Variants in CTNNA2 observed in about 807,000 individuals in gnomAD.
CTNNA2 encodes catenin alpha-2.
A neutral mutation model predicts 101.0 loss-of-function variants in CTNNA2; 42 were observed. The observed-to-expected ratio is 0.42, with a 90% CI of 0.32 to 0.54. The LOEUF (loss-of-function observed/expected upper bound fraction) is 0.54, where lower values mean the gene tolerates loss of function less well. CTNNA2 is among the 20% of genes least tolerant of loss of function. The pLI, the probability that CTNNA2 is intolerant of heterozygous loss-of-function variation, is 0.14. For synonymous variants in CTNNA2, 450 were observed against 456.4 expected, an observed-to-expected ratio of 0.99 and a Z score of 0.18; for missense variants, 871 against 1,223.1, an observed-to-expected ratio of 0.71 and a Z score of 4.29.
chr2:79,408,351 T>C (rs1678364347), intron 4 of CTNNA2, among the ~76,000 whole-genome samples: 1 of 151,474 alleles, frequency 6.6e-6, no homozygotes, highest in Admixed American at 6.6e-5. Flanking sequence ...ATGTACACAA[T>C]GTGCAGGTTA....
intron 2 of CTNNA2, among the ~76,000 whole-genome samples, chr2:79,301,259 G>A (rs1189844925): frequency 2.0e-5 from 3 of 152,080 alleles, no homozygotes; most frequent in East Asian, 1.9e-4. Context: ...TCTACACTAC[G>A]AAGGCAGAGA....
At chr2:79,341,420 T>TG (rs1419525474) in intron 3 of CTNNA2, among the ~76,000 whole-genome samples, 5 of 152,062 alleles carry the variant, frequency 3.3e-5, no homozygotes, top group Non-Finnish European at 7.4e-5. Context: ...AATGAGTGGG[T>TG]GAAAAAAATG....
intron 14 of CTNNA2, among the ~76,000 whole-genome samples, chr2:80,584,801 G>T (rs928270234): frequency 6.6e-6 from 1 of 152,142 alleles, no homozygotes; most frequent in South Asian, 2.1e-4. Context: ...TAATAATTAA[G>T]TTGGTGGTAA....
chr2:79,869,611 T>C (rs891928494), intron 4 of CTNNA2, among the ~76,000 whole-genome samples: 3 of 152,184 alleles, frequency 2.0e-5, no homozygotes, highest in Admixed American at 6.5e-5. Flanking sequence ...CAATTGCTTT[T>C]TTATATACAA....
At chr2:80,528,776 A>G (rs1180359722) in intron 9 of CTNNA2, among the ~76,000 whole-genome samples, 1 of 152,092 alleles carries the variant, frequency 6.6e-6, no homozygotes, top group Non-Finnish European at 1.5e-5. Context: ...TTTTGCCCAG[A>G]TTGGAGGGCT....
rs181509048 is a variant in CTNNA2, at chr2:79,400,164, A to G, written c.-135+26151A>G. ...AGAGACAAATGGTTGCATTCTCTTG[A>G]GTTTCTGATTAGCCTTTCTTAAGGA... On this transcript the variant is annotated intron_variant, in intron 4 of 21. Transcript: ENST00000466387. 7.2e-5 allele frequency among the ~76,000 whole-genome samples: 11 copies of G among 152,224 alleles called. No individual in the cohort carries two copies. The East Asian group carries it at 2.1e-3, about 30-fold the overall frequency.
intron 1 of CTNNA2, among the ~76,000 whole-genome samples, chr2:79,587,403 C>T (rs1009793755): frequency 6.6e-6 from 1 of 152,022 alleles, no homozygotes; most frequent in Non-Finnish European, 1.5e-5. Context: ...CAGATTCATG[C>T]CCAGCCCTCT....
intron 7 of CTNNA2, among the ~76,000 whole-genome samples, chr2:80,339,955 T>C (rs1672086361): frequency 6.6e-6 from 1 of 152,202 alleles, no homozygotes. Context: ...CGCCTTTACA[T>C]TGGAACACCA....
intron 7 of CTNNA2, among the ~76,000 whole-genome samples, chr2:80,263,203 C>T (rs192810484): frequency 1.8e-4 from 27 of 152,060 alleles, no homozygotes; most frequent in East Asian, 7.7e-4. Context: ...GATGGATTGG[C>T]GGCAGATTGG....
intron 3 of CTNNA2, among the ~76,000 whole-genome samples, chr2:79,352,734 A>G (rs181410338): frequency 6.6e-6 from 1 of 152,108 alleles, no homozygotes; most frequent in Admixed American, 6.6e-5. Context: ...AGTGTTTAGT[A>G]CTATAAACTT....
intron 9 of CTNNA2, among the ~76,000 whole-genome samples, chr2:80,536,252 T>C (rs1658043179): frequency 6.6e-6 from 1 of 152,154 alleles, no homozygotes; most frequent in Admixed American, 6.5e-5. Context: ...GTGATGATAG[T>C]TTTAGAGAAA....
At chr2:79,779,962 C>T (rs1674298199) in intron 3 of CTNNA2, among the ~76,000 whole-genome samples, 1 of 152,122 alleles carries the variant, frequency 6.6e-6, no homozygotes, top group African/African-American at 2.4e-5. Context: ...TACAACAGAC[C>T]CTAAGTCTGA....
intron 2 of CTNNA2, among the ~76,000 whole-genome samples, chr2:79,685,757 A>G (rs916020141): frequency 6.6e-6 from 1 of 152,184 alleles, no homozygotes; most frequent in African/African-American, 2.4e-5. Flanking sequence ...AAGGAGAGCA[A>G]TTAGCATTCG....
intron 7 of CTNNA2, among the ~76,000 whole-genome samples, chr2:79,963,341 T>C (rs1337794002): frequency 6.6e-6 from 1 of 152,148 alleles, no homozygotes; most frequent in African/African-American, 2.4e-5. Context: ...ATGGTGCTGA[T>C]GGAAGGCTAA....
At chr2:79,502,528 C>T (rs1671331371) in intron 4 of CTNNA2, among the ~76,000 whole-genome samples, 1 of 152,128 alleles carries the variant, frequency 6.6e-6, no homozygotes, top group Non-Finnish European at 1.5e-5. Flanking sequence ...TACTAGAATC[C>T]TCAAAACTGT....
chr2:79,564,643 A>G (rs539338502), intron 1 of CTNNA2, among the ~76,000 whole-genome samples: 22 of 152,306 alleles, frequency 1.4e-4, no homozygotes, highest in Middle Eastern at 3.4e-3. Flanking sequence ...TCTAGTTTAT[A>G]ACACCTTTGT....
intron 7 of CTNNA2, among the ~76,000 whole-genome samples, chr2:79,924,118 G>A (rs996840701): frequency 2.0e-5 from 3 of 152,038 alleles, no homozygotes; most frequent in African/African-American, 7.2e-5. Flanking sequence ...ACATACAATG[G>A]AATACTATTC....
intron 3 of CTNNA2, among the ~76,000 whole-genome samples, chr2:79,764,993 G>T (rs115075300): frequency 0.039 from 5,915 of 152,174 alleles, 309 homozygotes; most frequent in African/African-American, 0.13. Context: ...GTAATTAGAG[G>T]TTATGGTAGG....
intron 7 of CTNNA2, among the ~76,000 whole-genome samples, chr2:80,005,187 A>T (rs1693248239): frequency 6.6e-6 from 1 of 152,284 alleles, no homozygotes; most frequent in South Asian, 2.1e-4. Flanking sequence ...CAGACTCATC[A>T]TGTTTAGGGC....
Sources: gnomAD v4.1 joint callset for allele counts (sites outside exome capture counted in the v4.1 genomes callset) on GRCh38, gnomAD v4.1.1 for gene constraint, MANE v1.5 for transcripts, NCBI Gene and HGNC (gene_info 2026-07-23, HGNC 2026-07-21) for gene names.